SLMAP: variants seen among roughly 807,000 people sequenced by gnomAD.
SLMAP encodes sarcolemma associated protein, also known as sarcolemmal membrane-associated protein.
In SLMAP, 44 loss-of-function variants were observed where a neutral mutation model predicts 128.8. That is an observed-to-expected ratio of 0.34 (90% CI 0.27 to 0.44). The LOEUF is 0.44. Among genes scored for constraint, SLMAP ranks in the 20% least tolerant of loss-of-function variants. The probability of loss-of-function intolerance (pLI) is 1.00; values close to 1 mark genes in which losing one functional copy is unlikely to be tolerated. For missense variants in SLMAP, 787 were observed against 985.3 expected (o/e 0.80, Z 2.69); for synonymous variants, 327 against 348.8 (o/e 0.94, Z 0.70).
chr3:57,801,654 T>TC (rs2088418269), intron 2 of SLMAP, among the ~76,000 whole-genome samples: 1 of 152,004 alleles, frequency 6.6e-6, no homozygotes, highest in South Asian at 2.1e-4. Flanking sequence ...TTTTTTTTTT[T>TC]TTAACTATTA....
chr3:57,923,176 G>A (rs1051725599), intron 23 of SLMAP, among the ~76,000 whole-genome samples, 153 bp downstream of exon 23: 4 of 152,192 alleles, frequency 2.6e-5, no homozygotes, highest in Non-Finnish European at 1.5e-5. Context: ...TCATTGTGCT[G>A]TCAGATTTTT....
intron 2 of SLMAP, among the ~76,000 whole-genome samples, chr3:57,816,681 T>C (rs775520110): frequency 6.6e-6 from 1 of 152,184 alleles, no homozygotes; most frequent in Non-Finnish European, 1.5e-5. Flanking sequence ...AAGTGTGGTT[T>C]GGAAATAGAG....
At chr3:57,781,729 ATT>A (rs748021832) in intron 2 of SLMAP, among the ~76,000 whole-genome samples, 3 of 109,148 alleles carry the variant, frequency 2.7e-5, no homozygotes, top group Non-Finnish European at 1.8e-5. Flanking sequence ...ATATTGACTG[ATT>A]TTTTTTTTTT....
At chr3:57,770,506 A>G (rs1192765876) in intron 2 of SLMAP, among the ~76,000 whole-genome samples, 2 of 152,186 alleles carry the variant, frequency 1.3e-5, no homozygotes, top group African/African-American at 2.4e-5. Flanking sequence ...GGGGGAAGAA[A>G]ATAGAGCTGC....
At chr3:57,926,468 A>G (rs1008320944) in intron 24 of SLMAP, among the ~76,000 whole-genome samples, 4 of 152,134 alleles carry the variant, frequency 2.6e-5, no homozygotes, top group Non-Finnish European at 5.9e-5. Flanking sequence ...TCTCAACCCT[A>G]TTGTGTACTT....
chr3:57,814,166 C>T (rs1374977341), intron 2 of SLMAP, among the ~76,000 whole-genome samples: 1 of 151,736 alleles, frequency 6.6e-6, no homozygotes, highest in Admixed American at 6.6e-5. Flanking sequence ...TCAGGGTGAA[C>T]CCATCCGAGG....
At chr3:57,862,115 T>G (rs1331800142) in intron 10 of SLMAP, 29 bp downstream of exon 10, 2 of 1,529,020 alleles carry the variant, frequency 1.3e-6, no homozygotes, top group Non-Finnish European at 1.8e-6. Flanking sequence ...TGAAAGTATG[T>G]TAAGCTAATA....
intron 15 of SLMAP, among the ~76,000 whole-genome samples, chr3:57,892,620 A>G (rs1553919942): frequency 6.6e-6 from 1 of 152,052 alleles, no homozygotes; most frequent in Non-Finnish European, 1.5e-5. Flanking sequence ...TCAGGACACA[A>G]CATTGAGGAT....
chr3:57,820,532 C>CCCATG (rs1461381834), intron 2 of SLMAP, among the ~76,000 whole-genome samples: 1 of 152,194 alleles, frequency 6.6e-6, no homozygotes, highest in Non-Finnish European at 1.5e-5. Context: ...CCACTACCAC[C>CCCATG]CCATCTCTCA....
chr3:57,888,045 T>G (rs531920911), intron 14 of SLMAP, among the ~76,000 whole-genome samples: 93 of 152,292 alleles, frequency 6.1e-4, no homozygotes, highest in Non-Finnish European at 1.2e-3. Flanking sequence ...CACAAAGTAT[T>G]TACCTTCTGT....
At chr3:57,850,330 A>G (rs2153579501) in intron 6 of SLMAP, among the ~76,000 whole-genome samples, 1 of 152,366 alleles carries the variant, frequency 6.6e-6, no homozygotes, top group African/African-American at 2.4e-5. Context: ...AAGATAAAAG[A>G]GTCAACATTA....
At chr3:57,784,898 C>G (rs2153464743) in intron 2 of SLMAP, among the ~76,000 whole-genome samples, 1 of 152,250 alleles carries the variant, frequency 6.6e-6, no homozygotes, top group East Asian at 1.9e-4. Context: ...CTCTCCCCTT[C>G]TCTTGTGCTC....
At chr3:57,778,798 T>C (rs1349841874) in intron 2 of SLMAP, among the ~76,000 whole-genome samples, 1 of 151,996 alleles carries the variant, frequency 6.6e-6, no homozygotes, top group Non-Finnish European at 1.5e-5. Context: ...CTGTCTAGTT[T>C]CTCAAATTAG....
chr3:57,922,940 A>T lies in SLMAP; in HGVS notation c.2362A>T (p.Thr788Ser), dbSNP rs761914364. The T allele has an allele frequency of 3.1e-6, 5 of 1,613,724 alleles. No individual in the cohort carries two copies. The African/African-American group carries it at 6.7e-5, about 22-fold the overall frequency. Residue 788 changes from threonine to serine, a missense_variant, in exon 23 of 25, where the codon ACT becomes TCT. Thr to Ser is a moderately conservative substitution (Grantham distance 58). Coordinates refer to ENST00000671191, the MANE Select transcript of SLMAP (RefSeq NM_001377540.1). ...LSELKLKFEM[T>S]EQEKQSITDE... The stretch of plus-strand genomic sequence containing the variant: ...AGAACTGAAGTTGAAGTTTGAAATG[A>T]CTGAGCAGGAAAAGCAGTCAATCAC...
intron 3 of SLMAP, among the ~76,000 whole-genome samples, chr3:57,834,730 G>A (rs1028053999): frequency 1.3e-5 from 2 of 152,010 alleles, no homozygotes; most frequent in African/African-American, 4.8e-5. Context: ...AAAGAACCTA[G>A]CATATCATTA....
At chr3:57,869,657 T>TATAA (rs1553900521) in intron 13 of SLMAP, among the ~76,000 whole-genome samples, 1 of 135,538 alleles carries the variant, frequency 7.4e-6, no homozygotes, top group Non-Finnish European at 1.6e-5. Flanking sequence ...TATATATATA[T>TATAA]ATAATATATA....
chr3:57,787,027 C>T (rs2084357216), intron 2 of SLMAP, among the ~76,000 whole-genome samples: 1 of 152,076 alleles, frequency 6.6e-6, no homozygotes, highest in African/African-American at 2.4e-5. Context: ...TGAGCCACCG[C>T]ACCCTGCCGA....
chr3:57,812,415 A>G (rs1456812983), intron 2 of SLMAP, among the ~76,000 whole-genome samples: 2 of 152,136 alleles, frequency 1.3e-5, no homozygotes, highest in African/African-American at 4.8e-5. Flanking sequence ...TGTCTATTCT[A>G]TTCATATTCT....
At chr3:57,768,835 T>C (rs2080244830) in intron 2 of SLMAP, among the ~76,000 whole-genome samples, 1 of 152,002 alleles carries the variant, frequency 6.6e-6, no homozygotes, top group South Asian at 2.1e-4. Flanking sequence ...GAGGTCCCCC[T>C]GAAGTTAGGA....
Sources: gnomAD v4.1 joint callset for allele counts (sites outside exome capture counted in the v4.1 genomes callset) on GRCh38, gnomAD v4.1.1 for gene constraint, MANE v1.5 for transcripts, NCBI Gene and HGNC (gene_info 2026-07-23, HGNC 2026-07-21) for gene names.